Variants in CDH4 observed in about 807,000 individuals in gnomAD.
CDH4 encodes the protein cadherin-4.
Under a neutral mutation model 86.0 loss-of-function variants are expected in CDH4, and 33 were observed. That is an observed-to-expected ratio of 0.38 (90% CI 0.29 to 0.51). The LOEUF is 0.51. Ranked by LOEUF, CDH4 falls within the 20% of genes least tolerant of loss-of-function variation. CDH4 has a pLI of 0.86. For synonymous variants in CDH4, 555 were observed against 549.4 expected, an observed-to-expected ratio of 1.01 and a Z score of -0.14; for missense variants, 1,114 against 1,307.4, an observed-to-expected ratio of 0.85 and a Z score of 2.28.
chr20:61,793,446 AG>A (rs548902946), intron 4 of CDH4, among the ~76,000 whole-genome samples: 37 of 152,342 alleles, frequency 2.4e-4, no homozygotes, highest in South Asian at 1.7e-3. Flanking sequence ...TCTGGGGGCT[AG>A]GGGGATAATA....
intron 7 of CDH4, among the ~76,000 whole-genome samples, chr20:61,884,583 G>A (rs576696774): frequency 2.8e-4 from 43 of 152,288 alleles, no homozygotes; most frequent in Middle Eastern, 3.4e-3. Flanking sequence ...CACCCAGCGA[G>A]GGGCTCCATG....
intron 2 of CDH4, among the ~76,000 whole-genome samples, chr20:61,649,126 C>A (rs8123896): frequency 0.37 from 56,639 of 152,206 alleles, 11,471 homozygotes; most frequent in Non-Finnish European, 0.46. Context: ...CTGACTAATT[C>A]CAGCCCTGTT....
intron 2 of CDH4, among the ~76,000 whole-genome samples, chr20:61,525,072 A>G (rs2085900515): frequency 1.3e-5 from 2 of 152,202 alleles, no homozygotes; most frequent in Admixed American, 6.5e-5. Flanking sequence ...CATCTTCTGA[A>G]TGATCTCTCT....
chr20:61,688,181 G>A (rs191308634), intron 2 of CDH4, among the ~76,000 whole-genome samples: 6 of 152,110 alleles, frequency 3.9e-5, no homozygotes, highest in Admixed American at 1.3e-4. Context: ...TAGGGGTGAC[G>A]TCGTGACCAG....
intron 2 of CDH4, among the ~76,000 whole-genome samples, chr20:61,302,641 G>C (rs367972048): frequency 6.6e-6 from 1 of 152,104 alleles, no homozygotes; most frequent in Non-Finnish European, 1.5e-5. Flanking sequence ...TGCATGGCCC[G>C]GAGGGATGGC....
chr20:61,628,842 G>A lies in CDH4; in HGVS notation c.170-114721G>A, dbSNP rs571246552. Among the ~76,000 whole-genome samples, 196 of 152,354 alleles carry A rather than the reference G, an allele frequency of 1.3e-3. 1 individual carries two copies. The highest frequency in any genetic ancestry group is 1.0e-4 in the Non-Finnish European group (7 of 68,034). On this transcript the variant is annotated intron_variant, in intron 2 of 15. Transcript: ENST00000614565. ...ATCATGGGCACAGACAAGTGTGTGG[G>A]GACATGAGGAATGGATGATGGGCCC...
At chr20:61,290,434 C>CA (rs1568783710) in intron 2 of CDH4, among the ~76,000 whole-genome samples, 1 of 138,250 alleles carries the variant, frequency 7.2e-6, no homozygotes, top group Non-Finnish European at 1.6e-5. Flanking sequence ...CTGGGTTTAT[C>CA]CCGATATCCA....
chr20:61,326,589 C>A (rs2084538054), intron 2 of CDH4, among the ~76,000 whole-genome samples: 1 of 152,160 alleles, frequency 6.6e-6, no homozygotes, highest in South Asian at 2.1e-4. Context: ...GAATTCCATT[C>A]TTCCTTGATC....
intron 7 of CDH4, 40 bp from the exon 8 acceptor site, chr20:61,894,870 C>A: frequency 6.3e-7 from 1 of 1,586,966 alleles, no homozygotes; most frequent in Non-Finnish European, 8.6e-7. Context: ...AAAACCCAAA[C>A]TGATTTTCTG....
At chr20:61,635,238 G>A (rs185056535) in intron 2 of CDH4, among the ~76,000 whole-genome samples, 5 of 152,304 alleles carry the variant, frequency 3.3e-5, no homozygotes, top group African/African-American at 7.2e-5. Flanking sequence ...GGGGCCTCAC[G>A]GTTCCACATC....
chr20:61,672,173 ATGGG>A (rs1041326567), intron 2 of CDH4, among the ~76,000 whole-genome samples: 2 of 150,980 alleles, frequency 1.3e-5, no homozygotes, highest in Admixed American at 1.3e-4. Flanking sequence ...GGATAGATGA[ATGGG>A]TGGGTATATG....
rs145604430 is a variant in CDH4 at position 61,377,758 on chromosome 20, A to G, written c.169+122821A>G. On this transcript the variant is annotated intron_variant, in intron 2 of 15. Coordinates refer to ENST00000614565, the MANE Select transcript of CDH4 (RefSeq NM_001794.5). The surrounding 1 kb of genome is among the most constrained non-coding windows in gnomAD (Gnocchi z 4.0). Reference sequence around the variant, plus strand: ...CAGTGCTGTGTAAAGGGTACATTCCATCTGTTCCCCATCTGGACTCCTTAG... The same window carrying G: ...CAGTGCTGTGTAAAGGGTACATTCCGTCTGTTCCCCATCTGGACTCCTTAG... 6.6e-6 allele frequency among the ~76,000 whole-genome samples: 1 copy of G among 152,236 alleles called. No homozygotes were observed. Among genetic ancestry groups the G allele is most frequent in the Admixed American group, 6.5e-5 (1 of 15,284 alleles).
At chr20:61,756,795 G>A (rs1002448573) in intron 3 of CDH4, among the ~76,000 whole-genome samples, 1 of 152,080 alleles carries the variant, frequency 6.6e-6, no homozygotes, top group Admixed American at 6.5e-5. Flanking sequence ...GGGGCTACAG[G>A]TCATCAGGGC....
intron 2 of CDH4, among the ~76,000 whole-genome samples, chr20:61,565,345 C>G (rs1189064913): frequency 0.011 from 288 of 26,364 alleles, 47 homozygotes; most frequent in Middle Eastern, 0.087. Context: ...TGGTAGTGGT[C>G]CTCTTGGTGA....
At chr20:61,558,271 C>T (rs536717467) in intron 2 of CDH4, among the ~76,000 whole-genome samples, 102 of 152,252 alleles carry the variant, frequency 6.7e-4, no homozygotes, top group African/African-American at 2.3e-3. Context: ...AGAACCCTGT[C>T]CCTGGGCAGA....
intron 2 of CDH4, among the ~76,000 whole-genome samples, chr20:61,295,953 G>T (rs988834858): frequency 6.6e-6 from 1 of 152,196 alleles, no homozygotes; most frequent in Admixed American, 6.5e-5. Flanking sequence ...CATGGGTATC[G>T]CGGAGGCCGT....
intron 2 of CDH4, among the ~76,000 whole-genome samples, chr20:61,588,247 A>T (rs576507669): frequency 3.3e-5 from 5 of 152,348 alleles, no homozygotes; most frequent in Admixed American, 6.5e-5. Context: ...CCAGATTTTT[A>T]AATTGGTTTC....
intron 2 of CDH4, among the ~76,000 whole-genome samples, chr20:61,462,614 C>T (rs1360406295): frequency 6.6e-6 from 1 of 152,226 alleles, no homozygotes; most frequent in Non-Finnish European, 1.5e-5. Context: ...CCTTTGTGCT[C>T]CCAGCTGCTC....
At chr20:61,915,928 A>G (rs987596162) in intron 9 of CDH4, among the ~76,000 whole-genome samples, 7 of 152,184 alleles carry the variant, frequency 4.6e-5, no homozygotes, top group Admixed American at 6.5e-5. Context: ...TTGCAGCCAC[A>G]CTGTCCCCAA....
Sources: gnomAD v4.1 joint callset for allele counts (sites outside exome capture counted in the v4.1 genomes callset) on GRCh38, gnomAD v4.1.1 for gene constraint, Gnocchi (gnomAD v3.1) non-coding constraint, MANE v1.5 for transcripts, NCBI Gene and HGNC (gene_info 2026-07-23, HGNC 2026-07-21) for gene names.